GPC5: variants seen among roughly 807,000 people sequenced by gnomAD.
GPC5 encodes the protein glypican-5.
Under a neutral mutation model 53.9 loss-of-function variants are expected in GPC5, and 47 were observed. The ratio of observed to expected loss-of-function variants is 0.87; its 90% CI spans 0.69 to 1.11. The LOEUF (loss-of-function observed/expected upper bound fraction) is 1.11. GPC5 is among the 50% of genes most tolerant of loss of function. The pLI is 0.00. For synonymous variants in GPC5, 286 were observed against 263.3 expected, an observed-to-expected ratio of 1.09 and a Z score of -0.84; for missense variants, 748 against 713.1, an observed-to-expected ratio of 1.05 and a Z score of -0.56.
At chr13:91,855,029 C>A (rs1295134016) in intron 5 of GPC5, among the ~76,000 whole-genome samples, 2 of 151,526 alleles carry the variant, frequency 1.3e-5, no homozygotes, top group Non-Finnish European at 3.0e-5. Flanking sequence ...GTTGCATATA[C>A]CAATTGATGG....
intron 7 of GPC5, among the ~76,000 whole-genome samples, chr13:92,297,088 G>A (rs1394192843): frequency 1.3e-5 from 2 of 152,256 alleles, no homozygotes; most frequent in African/African-American, 2.4e-5. Flanking sequence ...TCCACCTGCA[G>A]CCCCTGTGCG....
At position 92,105,060 on chromosome 13, in the gene GPC5, T is replaced by C. The variant is rs150047397; in HGVS notation, c.1402-39770T>C. Among the ~76,000 whole-genome samples the C allele has an allele frequency of 1.2e-4, 19 of 152,202 alleles. No homozygotes were observed. In the South Asian group the frequency reaches 2.3e-3, roughly 18 times the overall value. On this transcript the variant is annotated intron_variant, in intron 6 of 7. Coordinates refer to ENST00000377067, the MANE Select transcript of GPC5 (RefSeq NM_004466.6). ...CAGAAGCTTTGTTTTTGTTTTTAAG[T>C]ACAAAGGAGTTAGGATATTCCTAAC...
chr13:92,622,902 C>T (rs1018575089), intron 7 of GPC5, among the ~76,000 whole-genome samples: 1 of 152,052 alleles, frequency 6.6e-6, no homozygotes, highest in African/African-American at 2.4e-5. Context: ...GAGTTAGCAC[C>T]TCAGCGAGAA....
rs76414917 is a variant in GPC5 at position 91,754,204 on chromosome 13, A to G, written c.1155-2091A>G. Among the ~76,000 whole-genome samples, 1,059 of 152,296 alleles carry G rather than the reference A, an allele frequency of 7.0e-3. 11 individuals carry two copies. The highest frequency in any genetic ancestry group is 0.024 in the African/African-American group (1,018 of 41,558). On this transcript the variant is annotated intron_variant, in intron 4 of 7. Transcript: ENST00000377067. ...GCACATCTTTCCAAGAAACTTAGAT[A>G]AAATGCTGTAGAGAAGCCTTTGAAG...
intron 6 of GPC5, among the ~76,000 whole-genome samples, chr13:92,051,076 T>A (rs2138838193): frequency 6.6e-6 from 1 of 152,310 alleles, no homozygotes; most frequent in East Asian, 1.9e-4. Flanking sequence ...TAATTAATAA[T>A]TGCCTATGTA....
chr13:92,740,638 G>C (rs1454746084), intron 7 of GPC5, among the ~76,000 whole-genome samples: 1 of 151,962 alleles, frequency 6.6e-6, no homozygotes, highest in Non-Finnish European at 1.5e-5. Flanking sequence ...AAAAGTACCA[G>C]GAAGACTTCT....
chr13:92,577,732 A>T (rs560182859), intron 7 of GPC5, among the ~76,000 whole-genome samples: 1 of 151,890 alleles, frequency 6.6e-6, no homozygotes, highest in African/African-American at 2.4e-5. Flanking sequence ...ACAAAATCTC[A>T]TCATGAAAAG....
intron 2 of GPC5, among the ~76,000 whole-genome samples, chr13:91,599,588 A>C (rs192808085): frequency 2.8e-4 from 42 of 152,312 alleles, no homozygotes; most frequent in Non-Finnish European, 5.6e-4. Flanking sequence ...AAATATACAT[A>C]AGTAAAAACA....
At chr13:91,568,944 T>G (rs1382202982) in intron 2 of GPC5, among the ~76,000 whole-genome samples, 1 of 151,978 alleles carries the variant, frequency 6.6e-6, no homozygotes, top group Non-Finnish European at 1.5e-5. Context: ...AGAAACAGGG[T>G]TTTACCATGC....
chr13:91,929,215 T>C (rs1245389487), intron 6 of GPC5, among the ~76,000 whole-genome samples: 2 of 152,108 alleles, frequency 1.3e-5, no homozygotes, highest in East Asian at 1.9e-4. Context: ...TCTAAAACAT[T>C]CATAAGAATG....
intron 7 of GPC5, among the ~76,000 whole-genome samples, chr13:92,408,464 T>C (rs1316868544): frequency 1.3e-5 from 2 of 152,128 alleles, no homozygotes; most frequent in East Asian, 3.9e-4. Context: ...CCATGAGAAG[T>C]TTATTAGCAT....
intron 2 of GPC5, among the ~76,000 whole-genome samples, chr13:91,648,358 G>GTTTTT (rs35289946): frequency 6.7e-6 from 1 of 148,698 alleles, no homozygotes; most frequent in African/African-American, 2.5e-5. Flanking sequence ...ATTAAGACAG[G>GTTTTT]TTTTTTTTTT....
intron 7 of GPC5, among the ~76,000 whole-genome samples, chr13:92,726,183 AG>A (rs983652022): frequency 1.3e-5 from 2 of 151,542 alleles, no homozygotes. Flanking sequence ...CTCCCACTTC[AG>A]GCTTGGTATC....
intron 5 of GPC5, among the ~76,000 whole-genome samples, chr13:91,757,008 T>A (rs1246514990): frequency 6.6e-6 from 1 of 152,110 alleles, no homozygotes; most frequent in African/African-American, 2.4e-5. Context: ...TCAATTATTC[T>A]CAAACTTAGA....
intron 6 of GPC5, among the ~76,000 whole-genome samples, chr13:92,110,954 T>C (rs1167048921): frequency 6.6e-6 from 1 of 152,196 alleles, no homozygotes; most frequent in Non-Finnish European, 1.5e-5. Context: ...AAAACTTGTA[T>C]GTATCACCTG....
chr13:92,406,109 C>T (rs1211620118), intron 7 of GPC5, among the ~76,000 whole-genome samples: 1 of 152,136 alleles, frequency 6.6e-6, no homozygotes, highest in African/African-American at 2.4e-5. Flanking sequence ...TGCACTGATG[C>T]CATGCAAACC....
At chr13:91,541,144 C>T (rs1443978456) in intron 2 of GPC5, among the ~76,000 whole-genome samples, 1 of 152,112 alleles carries the variant, frequency 6.6e-6, no homozygotes, top group African/African-American at 2.4e-5. Flanking sequence ...TGCTCATTCA[C>T]ATGATTAAAA....
At chr13:92,619,709 G>T (rs189191084) in intron 7 of GPC5, among the ~76,000 whole-genome samples, 6 of 152,080 alleles carry the variant, frequency 3.9e-5, no homozygotes, top group Admixed American at 3.9e-4. Context: ...ATAGCTGATT[G>T]ATCTTTCATT....
chr13:92,661,754 G>T (rs1035611611), intron 7 of GPC5, among the ~76,000 whole-genome samples: 1 of 152,054 alleles, frequency 6.6e-6, no homozygotes, highest in Non-Finnish European at 1.5e-5. Context: ...AACATTTTTG[G>T]TATTTATTGT....
Sources: allele counts gnomAD v4.1 joint callset (sites outside exome capture counted in the v4.1 genomes callset), GRCh38; gene constraint gnomAD v4.1.1; transcripts MANE v1.5; gene names NCBI Gene and HGNC (gene_info 2026-07-23, HGNC 2026-07-21).